GPR176: variants seen among roughly 807,000 people sequenced by gnomAD.
GPR176 encodes G protein-coupled receptor 176.
A neutral mutation model predicts 35.4 loss-of-function variants in GPR176; 26 were observed. The ratio of observed to expected loss-of-function variants is 0.74; its 90% CI spans 0.54 to 1.02. The LOEUF (loss-of-function observed/expected upper bound fraction) is 1.02. Among genes scored for constraint, GPR176 ranks in the 50% least tolerant of loss-of-function variants. The pLI, the probability that GPR176 is intolerant of heterozygous loss-of-function variation, is 0.00. For synonymous variants in GPR176, 278 were observed against 271.3 expected, an observed-to-expected ratio of 1.02 and a Z score of -0.24; for missense variants, 597 against 665.3, an observed-to-expected ratio of 0.90 and a Z score of 1.13.
chr15:39,893,007 T>C (rs2032931801), intron 1 of GPR176, among the ~76,000 whole-genome samples: 1 of 152,256 alleles, frequency 6.6e-6, no homozygotes, highest in Admixed American at 6.5e-5. Context: ...TACCATTTTA[T>C]GCCTTCTTTT....
At chr15:39,889,439 T>C (rs887635740) in intron 1 of GPR176, among the ~76,000 whole-genome samples, 4 of 151,682 alleles carry the variant, frequency 2.6e-5, no homozygotes, top group Non-Finnish European at 5.9e-5. Flanking sequence ...CCCAGCTACT[T>C]GGGGGAATGA....
chr15:39,919,956 G>GT lies in GPR176; in HGVS notation c.70_71insA (p.Ala24AspfsTer58), dbSNP rs1380162957. The GT allele has an allele frequency of 6.7e-7, 1 of 1,492,550 alleles. No homozygotes were observed. The allele number at this position is 1,492,550 out of a possible 1,614,324, so 92.5% of individuals were successfully genotyped here. A position where few individuals can be genotyped will look rare whatever the true frequency, so the allele number is the denominator to read the frequency against. On this transcript the variant is annotated frameshift_variant, in exon 1 of 3. Coordinates refer to ENST00000561100, the MANE Select transcript of GPR176 (RefSeq NM_007223.3). LOFTEE classifies it high-confidence loss of function. ...CCCGAGCGCGCTGCGGTTCACACCC[G>GT]CAGCCTCGGCGCCGGACGCGTTGTG...
rs201059215 is a variant in GPR176, at chr15:39,810,134, C to T, written c.173-2876G>A. 6.6e-4 allele frequency among the ~76,000 whole-genome samples: 95 copies of T among 144,316 alleles called. No individual in the cohort carries two copies. The East Asian group carries it at 0.015, about 23-fold the overall frequency. 94.7% of individuals were successfully genotyped at this position (144,316 alleles called of 152,430 possible). On this transcript the variant is annotated intron_variant, in intron 1 of 2. Coordinates refer to ENST00000561100, the MANE Select transcript of GPR176 (RefSeq NM_007223.3). ...CAGCCTGGGTGACAGAGTGAGACTC[C>T]GTCTCAAAAAAAAAAAAAAAAGACC...
At chr15:39,852,461 T>C (rs1476199110) in intron 1 of GPR176, among the ~76,000 whole-genome samples, 1 of 152,200 alleles carries the variant, frequency 6.6e-6, no homozygotes, top group African/African-American at 2.4e-5. Context: ...ACACAAGAGC[T>C]AAGATTTTGC....
intron 1 of GPR176, among the ~76,000 whole-genome samples, chr15:39,834,798 G>C (rs1461179362): frequency 1.3e-5 from 2 of 152,082 alleles, no homozygotes; most frequent in East Asian, 1.9e-4. Flanking sequence ...GGCAGTGGTG[G>C]GCTGAGGAAA....
At chr15:39,908,535 A>G (rs1188005032) in intron 1 of GPR176, among the ~76,000 whole-genome samples, 1 of 151,726 alleles carries the variant, frequency 6.6e-6, no homozygotes, top group African/African-American at 2.4e-5. Context: ...AAGTTTAAGC[A>G]ATAAAGGAGA....
chr15:39,898,570 CAAG>C (rs2033186082), intron 1 of GPR176, among the ~76,000 whole-genome samples: 1 of 152,000 alleles, frequency 6.6e-6, no homozygotes, highest in African/African-American at 2.4e-5. Context: ...AAAGCAAATG[CAAG>C]AAGACTGGAA....
chr15:39,893,759 G>C (rs1165717671), intron 1 of GPR176, among the ~76,000 whole-genome samples: 8 of 145,114 alleles, frequency 5.5e-5, no homozygotes, highest in Non-Finnish European at 1.2e-4. Context: ...CCTCCCGGGC[G>C]GGGCGGCTGG....
chr15:39,876,064 T>C (rs1356747366), intron 1 of GPR176, among the ~76,000 whole-genome samples: 1 of 151,578 alleles, frequency 6.6e-6, no homozygotes, highest in African/African-American at 2.4e-5. Context: ...GGTGGGAGGA[T>C]CACTAGAGTC....
intron 1 of GPR176, among the ~76,000 whole-genome samples, chr15:39,837,177 A>G (rs1214442564): frequency 6.6e-6 from 1 of 152,166 alleles, no homozygotes; most frequent in African/African-American, 2.4e-5. Context: ...GTCATCTTTT[A>G]AAGACCAGAA....
At chr15:39,914,309 CTTTTT>C (rs5812146) in intron 1 of GPR176, among the ~76,000 whole-genome samples, 2 of 71,160 alleles carry the variant, frequency 2.8e-5, no homozygotes, top group Admixed American at 1.8e-4. Flanking sequence ...ATATCTTATT[CTTTTT>C]TTTTTTTTTT....
chr15:39,808,129 T>A, intron 1 of GPR176, among the ~76,000 whole-genome samples: 1 of 152,180 alleles, frequency 6.6e-6, no homozygotes, highest in South Asian at 2.1e-4. Flanking sequence ...CAATAGCCTC[T>A]CCCTACGTTA....
At chr15:39,873,446 C>A (rs1278495725) in intron 1 of GPR176, among the ~76,000 whole-genome samples, 2 of 152,124 alleles carry the variant, frequency 1.3e-5, no homozygotes, top group Non-Finnish European at 2.9e-5. Context: ...ACCAAAAATA[C>A]CAGCTGTGCG....
intron 1 of GPR176, among the ~76,000 whole-genome samples, chr15:39,896,270 A>AC (rs2033109818): frequency 6.7e-6 from 1 of 148,732 alleles, no homozygotes; most frequent in Non-Finnish European, 1.5e-5. Flanking sequence ...AGTTTCCTAG[A>AC]CAGGTCTCAC....
chr15:39,915,210 G>A (rs1422433421), intron 1 of GPR176, among the ~76,000 whole-genome samples: 1 of 152,142 alleles, frequency 6.6e-6, no homozygotes, highest in Non-Finnish European at 1.5e-5. Context: ...CTAGAGGTTA[G>A]GAAGTCTGAG....
chr15:39,918,043 C>CT (rs2033772746), intron 1 of GPR176, among the ~76,000 whole-genome samples: 2 of 29,644 alleles, frequency 6.7e-5, no homozygotes, highest in Non-Finnish European at 1.2e-4. Context: ...GAAACTCTGT[C>CT]TAAAAAAAAA....
At chr15:39,843,294 CACAAAAGATAGT>C (rs2030163820) in intron 1 of GPR176, among the ~76,000 whole-genome samples, 1 of 151,980 alleles carries the variant, frequency 6.6e-6, no homozygotes, top group Non-Finnish European at 1.5e-5. Flanking sequence ...CCAAGTAGGG[CACAAAAGATAGT>C]ACAAAATGGC....
chr15:39,896,791 A>T (rs7163303), intron 1 of GPR176, among the ~76,000 whole-genome samples: 2,181 of 152,262 alleles, frequency 0.014, 59 homozygotes, highest in African/African-American at 0.05. Context: ...ACCTGCCTAT[A>T]ATCTCAGCTA....
intron 1 of GPR176, among the ~76,000 whole-genome samples, chr15:39,888,287 T>G (rs560075049): frequency 2.0e-5 from 3 of 152,150 alleles, no homozygotes; most frequent in East Asian, 3.9e-4. Context: ...TATTTGTTTT[T>G]TTTGTTTGTT....
Sources: gnomAD v4.1 joint callset for allele counts (sites outside exome capture counted in the v4.1 genomes callset) on GRCh38, gnomAD v4.1.1 for gene constraint, MANE v1.5 for transcripts, NCBI Gene and HGNC (gene_info 2026-07-23, HGNC 2026-07-21) for gene names.